Variants in KIF5C observed in about 807,000 individuals in gnomAD.
KIF5C encodes the protein kinesin family member 5C.
A neutral mutation model predicts 125.2 loss-of-function variants in KIF5C; 18 were observed. The observed-to-expected ratio is 0.14, with a 90% CI of 0.10 to 0.21. KIF5C has a LOEUF of 0.21. Ranked by LOEUF, KIF5C falls within the 10% of genes least tolerant of loss-of-function variation. The pLI is 1.00. For synonymous variants in KIF5C, 405 were observed against 434.0 expected, an observed-to-expected ratio of 0.93 and a Z score of 0.83; for missense variants, 780 against 1,183.8, an observed-to-expected ratio of 0.66 and a Z score of 5.01.
At chr2:148,930,266 A>C (rs1201092486) in intron 3 of KIF5C, among the ~76,000 whole-genome samples, 2 of 151,936 alleles carry the variant, frequency 1.3e-5, no homozygotes, top group Non-Finnish European at 2.9e-5. Context: ...TTGTGGCTTC[A>C]GTCTGTTTTC....
At chr2:148,978,829 C>G in intron 12 of KIF5C, 93 bp from the exon 13 acceptor site, 3 of 1,438,290 alleles carry the variant, frequency 2.1e-6, no homozygotes, top group South Asian at 3.2e-5. Context: ...TCCTTCTTAT[C>G]AGCAAGCTTA....
At position 148,875,569 on chromosome 2, in the gene KIF5C, G is replaced by GCCCCCGCCCCCCCCCCCAC; in HGVS notation, c.-45_-44insCGCCCCCCCCCCCACCCCC. The GCCCCCGCCCCCCCCCCCAC allele has an allele frequency of 1.4e-6, 1 of 689,868 alleles. No homozygotes were observed. The highest frequency in any genetic ancestry group is 2.6e-6 in the Non-Finnish European group (1 of 380,192). 42.7% of individuals were successfully genotyped at this position (689,868 alleles called of 1,614,324 possible). ...GCGGCCTCCTCCCTCGTCGTTCCCG[G>GCCCCCGCCCCCCCCCCCAC]CCCCGGCCCCCCACCCATCCCCGTG... On this transcript the variant is annotated 5_prime_UTR_variant, in exon 1 of 26. Transcript: ENST00000435030.
chr2:148,998,624 ACTGCCC>A, intron 19 of KIF5C, 115 bp downstream of exon 19: 2 of 1,476,352 alleles, frequency 1.4e-6, no homozygotes, highest in Non-Finnish European at 9.1e-7. Context: ...CCCTGTGGGC[ACTGCCC>A]TGGTGACACA....
chr2:148,901,778 G>T (rs996242186), intron 1 of KIF5C, among the ~76,000 whole-genome samples: 1 of 152,040 alleles, frequency 6.6e-6, no homozygotes, highest in African/African-American at 2.4e-5. Flanking sequence ...AGCCTTCCTA[G>T]CTCCTTGCTC....
intron 3 of KIF5C, among the ~76,000 whole-genome samples, chr2:148,936,562 G>A (rs1682297228): frequency 6.6e-6 from 1 of 152,150 alleles, no homozygotes; most frequent in African/African-American, 2.4e-5. Flanking sequence ...CTTAAAAATG[G>A]ATTTGGTAAT....
Position 148,931,862 on chromosome 2 carries a change from T to C in KIF5C, c.291+2508T>C, listed in dbSNP as rs142683818. On this transcript the variant is annotated intron_variant, in intron 3 of 25. Coordinates refer to ENST00000435030, the MANE Select transcript of KIF5C (RefSeq NM_004522.3). The stretch of plus-strand genomic sequence containing the variant: ...GGTTTCACCTCCGGTTGCCTCTTCA[T>C]CTTTGTCAGTTTTAAAAGGTCAGTT... Among the ~76,000 whole-genome samples, 228 of 152,308 alleles carry C rather than the reference T, an allele frequency of 1.5e-3. 1 individual carries two copies. The highest frequency in any genetic ancestry group is 2.5e-3 in the Non-Finnish European group (173 of 68,024).
At chr2:148,883,543 G>T (rs989008309) in intron 1 of KIF5C, 1 of 151,720 alleles carries the variant, frequency 6.6e-6, no homozygotes. Context: ...CAGAAAACAC[G>T]ATAATTAACA....
At chr2:148,981,298 A>G in intron 13 of KIF5C, 57 bp from the exon 14 acceptor site, 1 of 1,518,104 alleles carries the variant, frequency 6.6e-7, no homozygotes, top group Non-Finnish European at 8.8e-7. Flanking sequence ...GATACAGCAT[A>G]GAACATAAAC....
At position 148,875,594 on chromosome 2, in the gene KIF5C, G is replaced by GGCCC; in HGVS notation, c.-24_-23insGCCC. 1 of 550,748 alleles carries GGCCC rather than the reference G, an allele frequency of 1.8e-6. No homozygotes were observed. 34.1% of individuals were successfully genotyped at this position (550,748 alleles called of 1,614,324 possible). Reference sequence around the variant, plus strand: ...GCCCCGGCCCCCCACCCATCCCCGTGCCCCCTCCCTACCGCCGGCCGAGAT... The same window carrying GGCCC: ...GCCCCGGCCCCCCACCCATCCCCGTGGCCCCCCCCTCCCTACCGCCGGCCGAGAT... On this transcript the variant is annotated 5_prime_UTR_variant, in exon 1 of 26. Coordinates refer to ENST00000435030, the MANE Select transcript of KIF5C (RefSeq NM_004522.3).
Position 149,021,298 on chromosome 2 carries a change from A to G in KIF5C, c.*8-1780A>G, listed in dbSNP as rs115240867. Among the ~76,000 whole-genome samples, 1,055 of 152,204 alleles carry G rather than the reference A, an allele frequency of 6.9e-3. 7 individuals carry two copies. The highest frequency in any genetic ancestry group is 0.012 in the South Asian group (56 of 4,822). On this transcript the variant is annotated intron_variant, in intron 25 of 25. Coordinates refer to ENST00000435030, the MANE Select transcript of KIF5C (RefSeq NM_004522.3). ...GGCTGGTTTCAAACTCCTGACCTCG[A>G]GTGATCCACCCGCGTTGGCCTCCCA...
intron 7 of KIF5C, among the ~76,000 whole-genome samples, chr2:148,946,447 C>A (rs1682521713): frequency 6.6e-6 from 1 of 152,138 alleles, no homozygotes; most frequent in African/African-American, 2.4e-5. Flanking sequence ...AAGTCTTAAT[C>A]CTTGCTTAAG....
At chr2:148,953,473 C>G (rs1034255868) in intron 10 of KIF5C, among the ~76,000 whole-genome samples, 1 of 152,188 alleles carries the variant, frequency 6.6e-6, no homozygotes, top group Non-Finnish European at 1.5e-5. Flanking sequence ...TAAATATACT[C>G]ATTGAACCCA....
chr2:149,020,361 C>T (rs570478640), intron 25 of KIF5C: 1 of 152,288 alleles, frequency 6.6e-6, no homozygotes, highest in Non-Finnish European at 1.5e-5. Flanking sequence ...TGCTTTTCCT[C>T]TCCTTTCTCA....
chr2:148,937,324 G>A lies in KIF5C; in HGVS notation c.332G>A (p.Arg111Gln), dbSNP rs1439125187. 1 of 1,602,998 alleles carries A rather than the reference G, an allele frequency of 6.2e-7. No homozygotes were observed. The highest frequency in any genetic ancestry group is 1.1e-5 in the South Asian group (1 of 88,620). The change falls in exon 4 of 26, where the codon CGA becomes CAA. Residue 111 changes from arginine (R) to glutamine (Q), a missense_variant. Arg to Gln is a conservative substitution (Grantham distance 43). Transcript: ENST00000435030. ...HDPQLMGIIP[R>Q]IAHDIFDHIY... Reference sequence around the variant, plus strand: ...CCCCAGCTCATGGGGATCATCCCACGAATTGCCCATGATATCTTTGACCAT... The same window carrying A: ...CCCCAGCTCATGGGGATCATCCCACAAATTGCCCATGATATCTTTGACCAT...
At position 148,997,324 on chromosome 2, in the gene KIF5C, A is replaced by G; in HGVS notation, c.2084A>G (p.Asp695Gly). The change falls in exon 18 of 26, where the codon GAT becomes GGT. Residue 695 changes from aspartate (D) to glycine (G), a missense_variant. This residue lies in a region of KIF5C where 573 missense variants were observed against 742.6 expected (regional missense o/e 0.77). Transcript: ENST00000435030. ...AAGGAACATCTGACGCGGTTGCAGG[A>G]TGCTGAAGAAATGAAGGTGTGTGTG... The part of the protein sequence containing the change: ...KEKEHLTRLQ[D>G]AEEMKKALEQ... 6.2e-7 allele frequency: 1 copy of G among 1,614,000 alleles called. No individual in the cohort carries two copies. The highest frequency in any genetic ancestry group is 1.3e-5 in the African/African-American group (1 of 75,054).
chr2:148,894,627 C>T (rs1681786764), intron 1 of KIF5C, among the ~76,000 whole-genome samples: 1 of 151,834 alleles, frequency 6.6e-6, no homozygotes, highest in South Asian at 2.1e-4. Context: ...TATTACAACC[C>T]TGTAGCAATT....
At chr2:148,916,550 C>A (rs183259204) in intron 1 of KIF5C, among the ~76,000 whole-genome samples, 26 of 152,086 alleles carry the variant, frequency 1.7e-4, no homozygotes, top group African/African-American at 6.0e-4. Context: ...TGTGAATGAC[C>A]GTCACTTTTT....
At chr2:148,931,915 C>T (rs1416037013) in intron 3 of KIF5C, among the ~76,000 whole-genome samples, 7 of 152,180 alleles carry the variant, frequency 4.6e-5, no homozygotes, top group Non-Finnish European at 2.9e-5. Context: ...TTTATTGTGA[C>T]TTTTGCAGAT....
At chr2:148,926,492 G>A (rs560472264) in intron 2 of KIF5C, among the ~76,000 whole-genome samples, 2 of 152,360 alleles carry the variant, frequency 1.3e-5, no homozygotes, top group East Asian at 1.9e-4. Context: ...GGCACTGGAC[G>A]TGATGAAAGT....
Sources: gnomAD v4.1 joint callset for allele counts (sites outside exome capture counted in the v4.1 genomes callset) on GRCh38, gnomAD v4.1.1 for gene constraint, gnomAD v4.1.1 regional missense constraint, MANE v1.5 for transcripts, NCBI Gene and HGNC (gene_info 2026-07-23, HGNC 2026-07-21) for gene names.